Variants in LHFPL2 observed in about 807,000 individuals in gnomAD.
The protein encoded by LHFPL2 is LHFPL tetraspan subfamily member 2.
Under a neutral mutation model 17.5 loss-of-function variants are expected in LHFPL2, and 7 were observed. That is an observed-to-expected ratio of 0.40 (90% confidence interval 0.23 to 0.75). LHFPL2 has a LOEUF of 0.75. Ranked by LOEUF, LHFPL2 falls within the 30% of genes least tolerant of loss-of-function variation. The probability of loss-of-function intolerance (pLI) is 0.37; values close to 1 mark genes in which losing one functional copy is unlikely to be tolerated. For synonymous variants in LHFPL2, 134 were observed against 116.2 expected (o/e 1.15, Z -0.99); for missense variants, 241 against 294.8 (o/e 0.82, Z 1.34).
chr5:78,622,679 GT>G, intron 2 of LHFPL2, among the ~76,000 whole-genome samples: 1 of 152,272 alleles, frequency 6.6e-6, no homozygotes, highest in African/African-American at 2.4e-5. Context: ...TCTCTCTAAT[GT>G]TTCTTAACTG....
At chr5:78,602,243 G>A (rs1370677906) in intron 2 of LHFPL2, among the ~76,000 whole-genome samples, 1 of 151,336 alleles carries the variant, frequency 6.6e-6, no homozygotes, top group Non-Finnish European at 1.5e-5. Context: ...GCCCAATGAT[G>A]TTGACAACTT....
At chr5:78,642,913 C>A (rs1342276856) in intron 1 of LHFPL2, among the ~76,000 whole-genome samples, 1 of 152,168 alleles carries the variant, frequency 6.6e-6, no homozygotes, top group African/African-American at 2.4e-5. Flanking sequence ...CCTCTCTCCA[C>A]CACCCAGTCC....
chr5:78,515,366 T>G (rs1020279432), intron 3 of LHFPL2, among the ~76,000 whole-genome samples: 1 of 152,212 alleles, frequency 6.6e-6, no homozygotes, highest in African/African-American at 2.4e-5. Flanking sequence ...GATTTCCTCA[T>G]GATTTCATTT....
intron 4 of LHFPL2, among the ~76,000 whole-genome samples, chr5:78,503,823 T>A (rs1754849350): frequency 6.6e-6 from 1 of 152,204 alleles, no homozygotes; most frequent in Non-Finnish European, 1.5e-5. Context: ...ATTCCCTTTA[T>A]ATATTATTTA....
chr5:78,625,991 A>G (rs896213924), intron 2 of LHFPL2: 4 of 152,250 alleles, frequency 2.6e-5, no homozygotes, highest in African/African-American at 9.6e-5. Flanking sequence ...AACTCCACTT[A>G]CATATAGACA....
intron 2 of LHFPL2, among the ~76,000 whole-genome samples, chr5:78,587,028 A>G (rs963846739): frequency 6.6e-6 from 1 of 152,202 alleles, no homozygotes; most frequent in African/African-American, 2.4e-5. Context: ...CTGTTAAATT[A>G]TTACAACTAC....
intron 1 of LHFPL2, among the ~76,000 whole-genome samples, chr5:78,635,269 C>A (rs540796575): frequency 1.3e-5 from 2 of 152,208 alleles, no homozygotes; most frequent in East Asian, 1.9e-4. Flanking sequence ...TTTTCAGATA[C>A]GACAGAGAAA....
chr5:78,605,299 G>GC (rs1043987216), intron 2 of LHFPL2, among the ~76,000 whole-genome samples: 7 of 152,096 alleles, frequency 4.6e-5, no homozygotes, highest in African/African-American at 1.4e-4. Context: ...GGCAATCAAC[G>GC]CAACTTCAAA....
intron 2 of LHFPL2, among the ~76,000 whole-genome samples, chr5:78,583,380 A>G (rs1221453671): frequency 2.0e-5 from 3 of 151,520 alleles, no homozygotes; most frequent in African/African-American, 7.3e-5. Flanking sequence ...CCTAGTCTCG[A>G]TGGTCTTTAC....
At chr5:78,594,747 G>A (rs78876205) in intron 2 of LHFPL2, among the ~76,000 whole-genome samples, 2,500 of 152,282 alleles carry the variant, frequency 0.016, 77 homozygotes, top group African/African-American at 0.057. Context: ...TGAAAACACA[G>A]TGCAAAAGTT....
chr5:78,538,525 G>T (rs1213429677), intron 3 of LHFPL2, among the ~76,000 whole-genome samples: 1 of 152,102 alleles, frequency 6.6e-6, no homozygotes, highest in East Asian at 1.9e-4. Context: ...ATTCTAGTTT[G>T]TCCCAGTCTC....
chr5:78,581,581 C>T (rs1005915881), intron 2 of LHFPL2, among the ~76,000 whole-genome samples: 69 of 152,202 alleles, frequency 4.5e-4, no homozygotes, highest in African/African-American at 1.3e-3. Context: ...TGTTTATATG[C>T]TGGATTACAT....
chr5:78,538,158 GAA>G (rs1756005248), intron 3 of LHFPL2, among the ~76,000 whole-genome samples: 1 of 152,190 alleles, frequency 6.6e-6, no homozygotes, highest in South Asian at 2.1e-4. Flanking sequence ...ACAGGCACAC[GAA>G]AGCTTATGAA....
intron 1 of LHFPL2, among the ~76,000 whole-genome samples, chr5:78,639,505 A>ATT (rs1329698535): frequency 6.6e-6 from 1 of 152,234 alleles, no homozygotes; most frequent in Non-Finnish European, 1.5e-5. Context: ...TAAGTCGGTA[A>ATT]TTATGAGTTT....
intron 2 of LHFPL2, among the ~76,000 whole-genome samples, chr5:78,600,072 T>A (rs1381922743): frequency 6.6e-6 from 1 of 152,064 alleles, no homozygotes; most frequent in Non-Finnish European, 1.5e-5. Flanking sequence ...GCCGGGGAGA[T>A]CAAACAACAG....
intron 2 of LHFPL2, among the ~76,000 whole-genome samples, chr5:78,582,265 T>G (rs1341731514): frequency 1.3e-5 from 2 of 152,030 alleles, no homozygotes; most frequent in African/African-American, 4.8e-5. Context: ...TTTTGAAGGT[T>G]TTTTTGTGTC....
intron 3 of LHFPL2, among the ~76,000 whole-genome samples, chr5:78,555,719 G>A (rs1186331216): frequency 1.3e-5 from 2 of 152,256 alleles, no homozygotes; most frequent in Non-Finnish European, 1.5e-5. Context: ...TGCACCTGGA[G>A]GAGAGGGTCT....
intron 2 of LHFPL2, among the ~76,000 whole-genome samples, chr5:78,605,949 A>G (rs542296267): frequency 1.3e-5 from 2 of 152,320 alleles, no homozygotes; most frequent in South Asian, 4.1e-4. Flanking sequence ...CGTCAGCCAC[A>G]CTCAATAACA....
chr5:78,520,571 C>T (rs1006229296), intron 3 of LHFPL2, among the ~76,000 whole-genome samples: 7 of 152,196 alleles, frequency 4.6e-5, no homozygotes, highest in African/African-American at 1.2e-4. Context: ...GGAAGGGAGA[C>T]GGGGAGACCC....
Sources: gnomAD v4.1 joint callset for allele counts (sites outside exome capture counted in the v4.1 genomes callset) on GRCh38, gnomAD v4.1.1 for gene constraint, MANE v1.5 for transcripts, NCBI Gene and HGNC (gene_info 2026-07-23, HGNC 2026-07-21) for gene names.